The following PTPRM variants were observed in gnomAD, a reference collection of about 807,000 sequenced individuals.
PTPRM encodes receptor-type tyrosine-protein phosphatase mu.
A neutral mutation model predicts 186.7 loss-of-function variants in PTPRM; 47 were observed. The observed-to-expected ratio is 0.25, with a 90% CI of 0.20 to 0.32. The LOEUF is 0.32. Among genes scored for constraint, PTPRM ranks in the 10% least tolerant of loss-of-function variants. The probability of loss-of-function intolerance (pLI) is 1.00; values close to 1 mark genes in which losing one functional copy is unlikely to be tolerated. For synonymous variants in PTPRM, 668 were observed against 674.9 expected (o/e 0.99, Z 0.16); for missense variants, 1,494 against 1,865.0 (o/e 0.80, Z 3.66).
intron 7 of PTPRM, among the ~76,000 whole-genome samples, chr18:7,972,469 A>AC (rs1241167820): frequency 4.4e-5 from 4 of 91,300 alleles, no homozygotes; most frequent in South Asian, 4.5e-4. Flanking sequence ...AATTAAAAAA[A>AC]AAAAAACATT....
chr18:7,637,355 A>G (rs1312505159), intron 1 of PTPRM, among the ~76,000 whole-genome samples: 4 of 152,124 alleles, frequency 2.6e-5, no homozygotes, highest in Non-Finnish European at 5.9e-5. Flanking sequence ...GGGATTCTTC[A>G]TACTCAAGAT....
At chr18:7,770,840 C>T (rs2042239662) in intron 1 of PTPRM, among the ~76,000 whole-genome samples, 1 of 151,710 alleles carries the variant, frequency 6.6e-6, no homozygotes, top group Non-Finnish European at 1.5e-5. Context: ...TTGGGGGGGT[C>T]CCACATCTGT....
At chr18:8,006,698 C>A (rs1487242054) in intron 7 of PTPRM, among the ~76,000 whole-genome samples, 3 of 152,176 alleles carry the variant, frequency 2.0e-5, no homozygotes, top group Non-Finnish European at 4.4e-5. Flanking sequence ...TGTGCTGGGT[C>A]CCTGACACTG....
intron 14 of PTPRM, among the ~76,000 whole-genome samples, chr18:8,222,858 G>A (rs1172374616): frequency 6.6e-6 from 1 of 152,186 alleles, no homozygotes; most frequent in Non-Finnish European, 1.5e-5. Context: ...AGAAGGCTGA[G>A]ACAGAAGGAT....
chr18:8,095,297 GA>G (rs2090958424), intron 11 of PTPRM, among the ~76,000 whole-genome samples: 1 of 152,132 alleles, frequency 6.6e-6, no homozygotes, highest in Non-Finnish European at 1.5e-5. Flanking sequence ...AATCTTGACA[GA>G]CGGCTGTTGT....
chr18:8,183,943 C>T (rs1264016908), intron 14 of PTPRM, among the ~76,000 whole-genome samples: 2 of 152,206 alleles, frequency 1.3e-5, no homozygotes, highest in Non-Finnish European at 2.9e-5. Context: ...GAAGTCCACT[C>T]TGGGTCTGTG....
chr18:7,972,986 A>C (rs535677612), intron 7 of PTPRM, among the ~76,000 whole-genome samples: 3 of 152,334 alleles, frequency 2.0e-5, no homozygotes, highest in African/African-American at 7.2e-5. Context: ...CACATCTGCC[A>C]GTATTTTCTG....
chr18:7,990,186 G>A (rs1599901779), intron 7 of PTPRM, among the ~76,000 whole-genome samples: 1 of 152,182 alleles, frequency 6.6e-6, no homozygotes, highest in Non-Finnish European at 1.5e-5. Context: ...TTACAGGCAT[G>A]AGCCACTGCA....
At chr18:8,252,453 C>T in intron 17 of PTPRM, 35 bp from the exon 18 acceptor site, 1 of 1,516,212 alleles carries the variant, frequency 6.6e-7, no homozygotes, top group East Asian at 2.3e-5. Context: ...CCTTTTTCTC[C>T]TCCTTTTTTC....
intron 13 of PTPRM, among the ~76,000 whole-genome samples, chr18:8,119,081 T>C (rs764996832): frequency 2.6e-5 from 4 of 152,230 alleles, no homozygotes; most frequent in Middle Eastern, 3.4e-3. Flanking sequence ...TTCAATGTTA[T>C]ATTTTAAGGG....
chr18:8,359,370 C>T (rs1224247585), intron 23 of PTPRM, among the ~76,000 whole-genome samples: 1 of 152,264 alleles, frequency 6.6e-6, no homozygotes, highest in African/African-American at 2.4e-5. Context: ...CCTATGGAGA[C>T]ACCTGTGCCT....
At chr18:8,161,166 T>C (rs1203816370) in intron 14 of PTPRM, among the ~76,000 whole-genome samples, 1 of 152,230 alleles carries the variant, frequency 6.6e-6, no homozygotes, top group Admixed American at 6.5e-5. Context: ...CTGAAAATAT[T>C]AACTTGGAAG....
At chr18:8,078,362 G>C (rs2089944656) in intron 9 of PTPRM, among the ~76,000 whole-genome samples, 1 of 152,148 alleles carries the variant, frequency 6.6e-6, no homozygotes, top group South Asian at 2.1e-4. Flanking sequence ...GTACCTCTCT[G>C]GAGAATCACA....
At chr18:8,233,447 T>G (rs2094310601) in intron 14 of PTPRM, among the ~76,000 whole-genome samples, 1 of 152,240 alleles carries the variant, frequency 6.6e-6, no homozygotes, top group Non-Finnish European at 1.5e-5. Flanking sequence ...TATGCTCGTT[T>G]GCTATGTGTA....
At chr18:8,402,648 G>A (rs9966297) in intron 32 of PTPRM, among the ~76,000 whole-genome samples, 10,286 of 152,142 alleles carry the variant, frequency 0.068, 674 homozygotes, top group East Asian at 0.27. Context: ...ATTCACAAAA[G>A]CATGATGGGA....
chr18:7,739,436 CAT>C (rs1491287955), intron 1 of PTPRM, among the ~76,000 whole-genome samples: 7 of 152,318 alleles, frequency 4.6e-5, no homozygotes, highest in Admixed American at 3.3e-4. Flanking sequence ...AGCATGACAA[CAT>C]AAAGCGAGAA....
intron 1 of PTPRM, among the ~76,000 whole-genome samples, chr18:7,733,226 C>T (rs8089176): frequency 0.049 from 7,391 of 152,016 alleles, 457 homozygotes; most frequent in East Asian, 0.14. Flanking sequence ...CCTAATGCTC[C>T]CTTTTCCCTT....
In PTPRM at chr18:7,757,435, G is replaced by C. The variant is rs186300569; in HGVS notation, c.74-16714G>C. Among the ~76,000 whole-genome samples, 266 of 152,308 alleles carry C rather than the reference G, an allele frequency of 1.7e-3. 1 individual carries two copies. Among genetic ancestry groups the C allele is most frequent in the Non-Finnish European group, 6.2e-4 (42 of 68,026 alleles). On this transcript the variant is annotated intron_variant, in intron 1 of 32. Transcript: ENST00000580170. ...TACTTTTGAGTGTTCTCTAAGGTCAGCTTCACCTATGGAGAATGACATAAT... is the reference window on the plus strand; with the variant it reads ...TACTTTTGAGTGTTCTCTAAGGTCACCTTCACCTATGGAGAATGACATAAT...
At chr18:7,933,664 C>A (rs1410883100) in intron 5 of PTPRM, among the ~76,000 whole-genome samples, 1 of 152,126 alleles carries the variant, frequency 6.6e-6, no homozygotes, top group Admixed American at 6.5e-5. Context: ...TACTGGCTAC[C>A]CAAACAAATC....
Sources: gnomAD v4.1 joint callset for allele counts (sites outside exome capture counted in the v4.1 genomes callset) on GRCh38, gnomAD v4.1.1 for gene constraint, MANE v1.5 for transcripts, NCBI Gene and HGNC (gene_info 2026-07-23, HGNC 2026-07-21) for gene names.